The following SKAP2 variants were observed in gnomAD, a reference collection of about 807,000 sequenced individuals.
SKAP2 encodes the protein src kinase associated phosphoprotein 2.
A neutral mutation model predicts 54.9 loss-of-function variants in SKAP2; 28 were observed. The ratio of observed to expected loss-of-function variants is 0.51; its 90% CI spans 0.38 to 0.70. The LOEUF is 0.70. Ranked by LOEUF, SKAP2 falls within the 30% of genes least tolerant of loss-of-function variation. The pLI, the probability that SKAP2 is intolerant of heterozygous loss-of-function variation, is 0.00. For missense variants in SKAP2, 356 were observed against 424.1 expected (o/e 0.84, Z 1.41); for synonymous variants, 137 against 134.3 (o/e 1.02, Z -0.14).
At chr7:26,713,894 C>T (rs185957632) in intron 9 of SKAP2, among the ~76,000 whole-genome samples, 3 of 152,084 alleles carry the variant, frequency 2.0e-5, no homozygotes, top group Admixed American at 6.5e-5. Flanking sequence ...CCATCGCGCC[C>T]GACCTAAGAT....
At chr7:26,812,013 C>A (rs2127988155) in intron 4 of SKAP2, among the ~76,000 whole-genome samples, 1 of 152,258 alleles carries the variant, frequency 6.6e-6, no homozygotes. Flanking sequence ...AATTTTTAAA[C>A]AATTTAAAAC....
intron 9 of SKAP2, among the ~76,000 whole-genome samples, chr7:26,706,731 A>G (rs1787165675): frequency 6.6e-6 from 1 of 152,232 alleles, no homozygotes; most frequent in African/African-American, 2.4e-5. Flanking sequence ...ATGATTGATC[A>G]GCACACAGAA....
intron 4 of SKAP2, among the ~76,000 whole-genome samples, chr7:26,801,119 C>G (rs508710): frequency 0.28 from 41,915 of 152,002 alleles, 7,218 homozygotes; most frequent in South Asian, 0.39. Context: ...AAAATACAAG[C>G]AATCTGAATT....
rs1219179975 is a variant in SKAP2 at position 26,692,707 on chromosome 7, T to G, written c.797-2345A>C. 3.9e-5 allele frequency among the ~76,000 whole-genome samples: 6 copies of G among 152,362 alleles called. No individual in the cohort carries two copies. In the East Asian group the frequency reaches 1.2e-3, roughly 29 times the overall value. On this transcript the variant is annotated intron_variant, in intron 9 of 12. Transcript: ENST00000345317. ...AAAAAGTATCCTGTCTCTTTTCTTT[T>G]TAACAATAGTTATCTCACTTATGCC...
intron 4 of SKAP2, among the ~76,000 whole-genome samples, chr7:26,834,051 C>T (rs1367993117): frequency 1.3e-5 from 2 of 152,118 alleles, no homozygotes; most frequent in African/African-American, 2.4e-5. Flanking sequence ...CACTCAACAC[C>T]GCACAACTAC....
At chr7:26,804,850 A>C (rs1251654797) in intron 4 of SKAP2, among the ~76,000 whole-genome samples, 1 of 152,204 alleles carries the variant, frequency 6.6e-6, no homozygotes, top group Non-Finnish European at 1.5e-5. Context: ...TCAACTAGTA[A>C]AAAGAAAAGC....
At chr7:26,816,714 C>A (rs1784273912) in intron 4 of SKAP2, among the ~76,000 whole-genome samples, 1 of 151,986 alleles carries the variant, frequency 6.6e-6, no homozygotes, top group African/African-American at 2.4e-5. Context: ...AATTAGATTT[C>A]TCTAGCAAAG....
At chr7:26,781,075 T>C (rs1420930879) in intron 4 of SKAP2, among the ~76,000 whole-genome samples, 1 of 152,188 alleles carries the variant, frequency 6.6e-6, no homozygotes, top group Non-Finnish European at 1.5e-5. Flanking sequence ...TGTTGCCTTT[T>C]TGTCATTAAC....
chr7:26,863,175 AT>A (rs1785303179), intron 1 of SKAP2, among the ~76,000 whole-genome samples: 1 of 152,178 alleles, frequency 6.6e-6, no homozygotes, highest in African/African-American at 2.4e-5. Flanking sequence ...TACACTTAAT[AT>A]TACACTACCA....
intron 1 of SKAP2, chr7:26,855,207 A>T: frequency 5.8e-6 from 1 of 172,724 alleles, no homozygotes; most frequent in Non-Finnish European, 1.2e-5. Context: ...CCATAAAACA[A>T]ATTCTTTATA....
At chr7:26,842,210 C>G (rs925983331) in intron 4 of SKAP2, among the ~76,000 whole-genome samples, 5 of 151,360 alleles carry the variant, frequency 3.3e-5, no homozygotes, top group Non-Finnish European at 4.4e-5. Flanking sequence ...TTAATCTGCT[C>G]AAGAATTGCT....
chr7:26,713,880 T>C (rs1787366737), intron 9 of SKAP2, among the ~76,000 whole-genome samples: 1 of 152,218 alleles, frequency 6.6e-6, no homozygotes, highest in African/African-American at 2.4e-5. Context: ...ATTACAGGCA[T>C]GAGCCATCGC....
At chr7:26,722,240 AAGTT>A (rs1787594309) in intron 9 of SKAP2, among the ~76,000 whole-genome samples, 1 of 152,246 alleles carries the variant, frequency 6.6e-6, no homozygotes, top group African/African-American at 2.4e-5. Context: ...TTCCTTTACG[AAGTT>A]AGTTAAAAAT....
intron 4 of SKAP2, among the ~76,000 whole-genome samples, chr7:26,775,475 T>C (rs921539250): frequency 2.0e-4 from 31 of 152,082 alleles, no homozygotes; most frequent in African/African-American, 7.5e-4. Flanking sequence ...ACAACCAGGA[T>C]ACTGACATTG....
At chr7:26,861,478 AAAG>A (rs1236515273) in intron 1 of SKAP2, among the ~76,000 whole-genome samples, 1 of 152,114 alleles carries the variant, frequency 6.6e-6, no homozygotes, top group Non-Finnish European at 1.5e-5. Flanking sequence ...CATATAACCA[AAAG>A]AATAATCAAC....
At chr7:26,747,053 T>G (rs1782572809) in intron 4 of SKAP2, among the ~76,000 whole-genome samples, 1 of 152,196 alleles carries the variant, frequency 6.6e-6, no homozygotes, top group Non-Finnish European at 1.5e-5. Flanking sequence ...ATCAGTATTT[T>G]TAGTAGCAAA....
chr7:26,822,692 G>A (rs1016217868), intron 4 of SKAP2, among the ~76,000 whole-genome samples: 13 of 151,384 alleles, frequency 8.6e-5, no homozygotes, highest in Admixed American at 2.6e-4. Flanking sequence ...TGGCTAACAC[G>A]GTGAAACCCC....
intron 4 of SKAP2, among the ~76,000 whole-genome samples, chr7:26,783,838 C>T (rs961317564): frequency 4.6e-5 from 7 of 152,008 alleles, no homozygotes; most frequent in South Asian, 4.2e-4. Context: ...ATATACCTAA[C>T]GCTAAATGAC....
At chr7:26,693,863 T>C (rs1319259388) in intron 9 of SKAP2, among the ~76,000 whole-genome samples, 3 of 152,108 alleles carry the variant, frequency 2.0e-5, no homozygotes, top group African/African-American at 7.2e-5. Flanking sequence ...AAATCAAATA[T>C]GGTGTATGTT....
Sources: allele counts gnomAD v4.1 joint callset (sites outside exome capture counted in the v4.1 genomes callset), GRCh38; gene constraint gnomAD v4.1.1; transcripts MANE v1.5; gene names NCBI Gene and HGNC (gene_info 2026-07-23, HGNC 2026-07-21).